ENTHD1: variants seen among roughly 807,000 people sequenced by gnomAD.
ENTHD1 encodes ENTH domain containing 1, also known as ENTH domain-containing protein 1.
ENTHD1 carries 23 observed loss-of-function variants against 39.1 expected under a neutral mutation model. The ratio of observed to expected loss-of-function variants is 0.59; its 90% confidence interval spans 0.42 to 0.83. The LOEUF (loss-of-function observed/expected upper bound fraction) is 0.83. ENTHD1 is among the 40% of genes least tolerant of loss of function. The pLI is 0.00. For synonymous variants in ENTHD1, 230 were observed against 258.2 expected (o/e 0.89, Z 1.05); for missense variants, 624 against 705.4 (o/e 0.88, Z 1.31).
At chr22:39,751,188 A>G (rs564598321) in intron 6 of ENTHD1, 2 of 153,866 alleles carry the variant, frequency 1.3e-5, no homozygotes, top group African/African-American at 4.8e-5. Flanking sequence ...TTTCTTGTCC[A>G]GAAACTTCAA....
intron 4 of ENTHD1, among the ~76,000 whole-genome samples, chr22:39,834,048 A>G (rs2065890784): frequency 6.6e-6 from 1 of 152,036 alleles, no homozygotes; most frequent in African/African-American, 2.4e-5. Context: ...AAAACATGAC[A>G]CTTTTAGGAG....
chr22:39,863,970 CT>C, intron 2 of ENTHD1, among the ~76,000 whole-genome samples: 1 of 152,326 alleles, frequency 6.6e-6, no homozygotes, highest in Non-Finnish European at 1.5e-5. Flanking sequence ...TCCAAATCTA[CT>C]TTATAACTGC....
chr22:39,790,229 T>G (rs1241425726), intron 5 of ENTHD1, among the ~76,000 whole-genome samples: 1 of 152,058 alleles, frequency 6.6e-6, no homozygotes, highest in Admixed American at 6.5e-5. Flanking sequence ...CACTTTGGCT[T>G]TTATGTGAAG....
At chr22:39,745,096 T>C (rs1407036217) in intron 6 of ENTHD1, among the ~76,000 whole-genome samples, 1 of 152,206 alleles carries the variant, frequency 6.6e-6, no homozygotes, top group Non-Finnish European at 1.5e-5. Flanking sequence ...ATACTGTGCC[T>C]CCCAAAAGGA....
chr22:39,869,127 A>C (rs1000358772), intron 2 of ENTHD1, among the ~76,000 whole-genome samples: 5 of 152,240 alleles, frequency 3.3e-5, no homozygotes, highest in African/African-American at 1.2e-4. Context: ...TATATCCAAA[A>C]GGAAATACAT....
chr22:39,745,153 G>A (rs1194204503), intron 6 of ENTHD1, among the ~76,000 whole-genome samples: 1 of 152,130 alleles, frequency 6.6e-6, no homozygotes, highest in Admixed American at 6.5e-5. Flanking sequence ...GAAATCTTCG[G>A]TAATTTATTC....
At chr22:39,843,377 A>G (rs1181808391) in intron 3 of ENTHD1, among the ~76,000 whole-genome samples, 2 of 149,502 alleles carry the variant, frequency 1.3e-5, no homozygotes, top group African/African-American at 2.5e-5. Flanking sequence ...ACCAAACACC[A>G]CATATTCTCA....
chr22:39,744,930 A>G (rs1272333706), intron 6 of ENTHD1, among the ~76,000 whole-genome samples: 1 of 152,176 alleles, frequency 6.6e-6, no homozygotes, highest in Non-Finnish European at 1.5e-5. Context: ...CATATTTGGG[A>G]AAGTTTTTAC....
intron 6 of ENTHD1, among the ~76,000 whole-genome samples, chr22:39,753,023 G>A (rs535267411): frequency 2.5e-4 from 38 of 152,258 alleles, no homozygotes; most frequent in Admixed American, 9.2e-4. Flanking sequence ...ACTTTCAAAG[G>A]TGGACTGAAA....
chr22:39,848,102 C>T (rs2066005316), intron 3 of ENTHD1, among the ~76,000 whole-genome samples: 1 of 152,142 alleles, frequency 6.6e-6, no homozygotes, highest in Non-Finnish European at 1.5e-5. Flanking sequence ...CAACCAGGGG[C>T]CACTCTCACC....
At chr22:39,850,652 T>A (rs1456865216) in intron 3 of ENTHD1, among the ~76,000 whole-genome samples, 1 of 152,190 alleles carries the variant, frequency 6.6e-6, no homozygotes, top group East Asian at 1.9e-4. Context: ...TACTTCTTCT[T>A]GCTACTTGTC....
chr22:39,891,769 C>T (rs1385383214), intron 1 of ENTHD1, among the ~76,000 whole-genome samples: 1 of 151,926 alleles, frequency 6.6e-6, no homozygotes, highest in Non-Finnish European at 1.5e-5. Context: ...CAGCCATGAG[C>T]CACCAAGCCC....
rs747792238 is a variant in ENTHD1, at chr22:39,744,192, T to TA, written c.1310dup (p.Leu437PhefsTer24). The TA allele has an allele frequency of 6.2e-7, 1 of 1,614,070 alleles. No homozygotes were observed. Among genetic ancestry groups the TA allele is most frequent in the Non-Finnish European group, 8.5e-7 (1 of 1,179,972 alleles). On this transcript the variant is annotated frameshift_variant, in exon 7 of 7. Coordinates refer to ENST00000325157, the MANE Select transcript of ENTHD1 (RefSeq NM_152512.4). LOFTEE classifies it low-confidence loss of function (END_TRUNC). ...AGGAAGGTCCGGCCAGAATTGGTGATAAGAGATGAGCTGACTTCTCTGGAG... is the reference window on the plus strand; with the variant it reads ...AGGAAGGTCCGGCCAGAATTGGTGATAAAGAGATGAGCTGACTTCTCTGGAG...
intron 3 of ENTHD1, among the ~76,000 whole-genome samples, chr22:39,855,805 A>G (rs1407147052): frequency 2.6e-5 from 4 of 152,208 alleles, no homozygotes; most frequent in Non-Finnish European, 2.9e-5. Context: ...GTAGAGAGCC[A>G]TATCAGTCAT....
chr22:39,834,243 G>T (rs956469462), intron 4 of ENTHD1, among the ~76,000 whole-genome samples: 9 of 151,980 alleles, frequency 5.9e-5, no homozygotes, highest in Non-Finnish European at 1.3e-4. Flanking sequence ...ATCTGACAAA[G>T]AACTTATATC....
intron 4 of ENTHD1, among the ~76,000 whole-genome samples, chr22:39,828,385 A>G (rs926371599): frequency 2.6e-5 from 4 of 152,272 alleles, no homozygotes; most frequent in African/African-American, 9.6e-5. Flanking sequence ...GCAAAAAGAT[A>G]CAAGAAAAAT....
intron 6 of ENTHD1, among the ~76,000 whole-genome samples, chr22:39,756,777 A>C (rs1304653337): frequency 6.6e-6 from 1 of 152,224 alleles, no homozygotes; most frequent in African/African-American, 2.4e-5. Flanking sequence ...AAGAAATTTC[A>C]ATCAGAGGGT....
intron 4 of ENTHD1, among the ~76,000 whole-genome samples, chr22:39,822,188 T>C (rs2065787997): frequency 6.7e-6 from 1 of 148,492 alleles, no homozygotes; most frequent in Non-Finnish European, 1.5e-5. Context: ...GTTTAGCTGG[T>C]ATGTCTTTTT....
chr22:39,803,834 T>C (rs1210376701), intron 5 of ENTHD1, among the ~76,000 whole-genome samples: 1 of 152,196 alleles, frequency 6.6e-6, no homozygotes, highest in Non-Finnish European at 1.5e-5. Flanking sequence ...TAACAAATTA[T>C]ATGGCTTTAT....
Sources: gnomAD v4.1 joint callset for allele counts (sites outside exome capture counted in the v4.1 genomes callset) on GRCh38, gnomAD v4.1.1 for gene constraint, MANE v1.5 for transcripts, NCBI Gene and HGNC (gene_info 2026-07-23, HGNC 2026-07-21) for gene names.